Variants in SLC24A2 observed in about 807,000 individuals in gnomAD.
The protein encoded by SLC24A2 is sodium/potassium/calcium exchanger 2.
SLC24A2 carries 36 observed loss-of-function variants against 62.0 expected under a neutral mutation model. The observed-to-expected ratio is 0.58, with a 90% CI of 0.44 to 0.77. The LOEUF (loss-of-function observed/expected upper bound fraction) is 0.77. Among genes scored for constraint, SLC24A2 ranks in the 30% least tolerant of loss-of-function variants. The pLI, the probability that SLC24A2 is intolerant of heterozygous loss-of-function variation, is 0.00. For missense variants in SLC24A2, 846 were observed against 817.9 expected, an observed-to-expected ratio of 1.03 and a Z score of -0.42; for synonymous variants, 358 against 294.0, an observed-to-expected ratio of 1.22 and a Z score of -2.23.
chr9:19,532,553 G>C (rs1833760226), intron 8 of SLC24A2, among the ~76,000 whole-genome samples: 1 of 152,138 alleles, frequency 6.6e-6, no homozygotes. Flanking sequence ...TTTGAATGCA[G>C]AGCCTGCAGA....
At chr9:19,733,009 T>C (rs539839817) in intron 2 of SLC24A2, among the ~76,000 whole-genome samples, 17 of 152,152 alleles carry the variant, frequency 1.1e-4, no homozygotes, top group East Asian at 1.9e-4. Flanking sequence ...TCAGGCCCAA[T>C]TGCTACAGAG....
At chr9:20,000,075 G>C in the SLC24A2 span, among the ~76,000 whole-genome samples, 1 of 151,854 alleles carries the variant, frequency 6.6e-6, no homozygotes, top group Admixed American at 6.6e-5. Context: ...CTTTGTGATC[G>C]ATCTGCAACT....
At chr9:20,252,248 T>C in the SLC24A2 span, among the ~76,000 whole-genome samples, 2 of 152,256 alleles carry the variant, frequency 1.3e-5, no homozygotes, top group African/African-American at 4.8e-5. Flanking sequence ...GAAAGGCATA[T>C]GAGTTTTATT....
At chr9:19,997,850 G>C in the SLC24A2 span, among the ~76,000 whole-genome samples, 1 of 152,172 alleles carries the variant, frequency 6.6e-6, no homozygotes, top group Admixed American at 6.5e-5. Context: ...CTGCAAAAGA[G>C]AAGCTCTTAT....
the SLC24A2 span, among the ~76,000 whole-genome samples, chr9:19,893,510 A>G: frequency 6.6e-6 from 1 of 152,226 alleles, no homozygotes; most frequent in African/African-American, 2.4e-5. Flanking sequence ...ATAGGCAGAA[A>G]ACATTATTAT....
At chr9:19,982,588 G>A in the SLC24A2 span, among the ~76,000 whole-genome samples, 6 of 152,158 alleles carry the variant, frequency 3.9e-5, no homozygotes, top group Admixed American at 3.3e-4. Context: ...GGCTTCACTG[G>A]CGAATTCTAC....
the SLC24A2 span, among the ~76,000 whole-genome samples, chr9:19,827,141 C>A: frequency 6.6e-6 from 1 of 152,254 alleles, no homozygotes; most frequent in Admixed American, 6.5e-5. Context: ...GCATGAGGGA[C>A]ACTAACACAC....
the SLC24A2 span, among the ~76,000 whole-genome samples, chr9:20,100,524 G>C: frequency 8.5e-5 from 13 of 152,184 alleles, no homozygotes; most frequent in East Asian, 2.1e-3. Context: ...ATTTGTACAA[G>C]GTCTGCTTCT....
At chr9:19,958,840 T>A in the SLC24A2 span, among the ~76,000 whole-genome samples, 3 of 152,238 alleles carry the variant, frequency 2.0e-5, no homozygotes, top group African/African-American at 7.2e-5. Context: ...TGTGACTTTT[T>A]AATAAACGCA....
At chr9:20,238,691 G>C in the SLC24A2 span, among the ~76,000 whole-genome samples, 2 of 152,194 alleles carry the variant, frequency 1.3e-5, no homozygotes, top group African/African-American at 4.8e-5. Context: ...GGACACCCCA[G>C]TGTACATGTC....
At chr9:19,656,484 T>C (rs758092926) in intron 2 of SLC24A2, among the ~76,000 whole-genome samples, 1 of 152,226 alleles carries the variant, frequency 6.6e-6, no homozygotes, top group Non-Finnish European at 1.5e-5. Context: ...TCTTTCTTTA[T>C]TCATTCAACT....
the SLC24A2 span, among the ~76,000 whole-genome samples, chr9:20,101,973 C>A: frequency 2.0e-5 from 3 of 152,118 alleles, no homozygotes; most frequent in East Asian, 1.9e-4. Flanking sequence ...TTTTCTCTTT[C>A]AGTGTTCCTA....
chr9:20,094,783 T>C, the SLC24A2 span, among the ~76,000 whole-genome samples: 1 of 152,148 alleles, frequency 6.6e-6, no homozygotes, highest in East Asian at 1.9e-4. Context: ...AACAATGTAT[T>C]TCCAAATGAC....
At chr9:19,736,431 A>C (rs1821512396) in intron 2 of SLC24A2, among the ~76,000 whole-genome samples, 1 of 152,212 alleles carries the variant, frequency 6.6e-6, no homozygotes, top group South Asian at 2.1e-4. Flanking sequence ...TGAATATAAG[A>C]GCTTGAAAAT....
chr9:19,792,213 T>C (rs1823327023), upstream of SLC24A2, among the ~76,000 whole-genome samples: 2 of 152,212 alleles, frequency 1.3e-5, no homozygotes, highest in African/African-American at 4.8e-5. Flanking sequence ...GGCCACAGTG[T>C]CTACAATTCC....
intron 8 of SLC24A2, among the ~76,000 whole-genome samples, chr9:19,529,562 G>T (rs929418102): frequency 6.6e-5 from 10 of 152,078 alleles, no homozygotes; most frequent in African/African-American, 2.2e-4. Context: ...ATTAAATCGG[G>T]GGAGGGCATC....
the SLC24A2 span, among the ~76,000 whole-genome samples, chr9:19,981,902 T>C: frequency 6.6e-6 from 1 of 152,108 alleles, no homozygotes; most frequent in Non-Finnish European, 1.5e-5. Context: ...GGAAGGAAAG[T>C]ATACTCTCCC....
At chr9:19,923,798 A>G in the SLC24A2 span, among the ~76,000 whole-genome samples, 4 of 152,162 alleles carry the variant, frequency 2.6e-5, no homozygotes, top group Non-Finnish European at 5.9e-5. Context: ...CCCAGGCTGG[A>G]GTGCGATGGC....
chr9:19,880,324 T>A, the SLC24A2 span, among the ~76,000 whole-genome samples: 30 of 152,292 alleles, frequency 2.0e-4, no homozygotes, highest in Middle Eastern at 0.014. Context: ...CATATAACTT[T>A]CAAAGTTATC....
Sources: gnomAD v4.1 joint callset for allele counts (sites outside exome capture counted in the v4.1 genomes callset) on GRCh38, gnomAD v4.1.1 for gene constraint, MANE v1.5 for transcripts, NCBI Gene and HGNC (gene_info 2026-07-23, HGNC 2026-07-21) for gene names.